EDN3: variants seen among roughly 807,000 people sequenced by gnomAD.
EDN3 encodes endothelin 3.
In EDN3, 9 loss-of-function variants were observed where a neutral mutation model predicts 21.4. The ratio of observed to expected loss-of-function variants is 0.42; its 90% confidence interval spans 0.25 to 0.73. EDN3 has a LOEUF of 0.73. Ranked by LOEUF, EDN3 falls within the 30% of genes least tolerant of loss-of-function variation. The probability of loss-of-function intolerance (pLI) is 0.26; values close to 1 mark genes in which losing one functional copy is unlikely to be tolerated. For synonymous variants in EDN3, 133 were observed against 126.2 expected (o/e 1.05, Z -0.36); for missense variants, 327 against 309.4 (o/e 1.06, Z -0.43).
In EDN3 at chr20:59,324,394, G is replaced by C. The variant is rs772906477; in HGVS notation, c.652G>C (p.Gly218Arg). Residue 218 changes from glycine to arginine, a missense_variant, in exon 5 of 5, where the codon GGC becomes CGC. Gly to Arg is a moderately radical substitution (Grantham distance 125). Transcript: ENST00000337938. ...LDLHHPKLMP[G>R]SGLALAPSTC... ...CCTCCACCATCCAAAGCTCATGCCC[G>C]GCAGTGGACTCGCCCTCGCTCCATC... 6.8e-6 allele frequency: 11 copies of C among 1,613,924 alleles called. No individual in the cohort carries two copies. Among genetic ancestry groups the C allele is most frequent in the Non-Finnish European group, 9.3e-6 (11 of 1,180,020 alleles).
At chr20:59,323,225 T>G (rs1990655256) in intron 4 of EDN3, among the ~76,000 whole-genome samples, 1 of 152,038 alleles carries the variant, frequency 6.6e-6, no homozygotes, top group Non-Finnish European at 1.5e-5. Flanking sequence ...ATAATAAAAA[T>G]GGAGCGGGAG....
At position 59,305,323 on chromosome 20, in the gene EDN3, A is replaced by G. The variant is rs154999; in HGVS notation, c.365+3601A>G. The stretch of plus-strand genomic sequence containing the variant: ...TATTGTCATGGATAAGTTGCCAAGA[A>G]TAAGATAGTAAGGGGACAGGTGGTG... On this transcript the variant is annotated intron_variant, in intron 2 of 4. Coordinates refer to ENST00000337938, the MANE Select transcript of EDN3 (RefSeq NM_207034.3). The surrounding 1 kb of genome is among the most constrained non-coding windows in gnomAD (Gnocchi z 4.2). 0.061 allele frequency among the ~76,000 whole-genome samples: 9,235 copies of G among 152,264 alleles called. 901 individuals carry two copies. The highest frequency in any genetic ancestry group is 0.2 in the African/African-American group (8,496 of 41,536).
intron 4 of EDN3, among the ~76,000 whole-genome samples, chr20:59,323,403 T>G (rs1600762078): frequency 1.3e-5 from 2 of 152,208 alleles, no homozygotes; most frequent in Non-Finnish European, 2.9e-5. Flanking sequence ...CATTGCATCA[T>G]TTATTCATTC....
chr20:59,306,561 T>C (rs1230756350), intron 2 of EDN3, among the ~76,000 whole-genome samples: 1 of 147,344 alleles, frequency 6.8e-6, no homozygotes, highest in East Asian at 2.0e-4. Flanking sequence ...TGCCATTTCT[T>C]TTGAGTTTTT....
intron 2 of EDN3, among the ~76,000 whole-genome samples, chr20:59,318,750 G>A (rs908891612): frequency 2.6e-4 from 40 of 152,362 alleles, no homozygotes; most frequent in Non-Finnish European, 1.5e-5. Flanking sequence ...CAAATACCAT[G>A]TTGCCTTGTT....
At position 59,324,927 on chromosome 20, in the gene EDN3, G is replaced by A. The variant is rs1026264708; in HGVS notation, c.*468G>A. 8.9e-6 allele frequency: 2 copies of A among 225,174 alleles called. No individual in the cohort carries two copies. Among genetic ancestry groups the A allele is most frequent in the Admixed American group, 1.0e-4 (2 of 19,556 alleles). The allele number at this position is 225,174 out of a possible 1,614,324, so 13.9% of individuals were successfully genotyped here. On this transcript the variant is annotated 3_prime_UTR_variant, in exon 5 of 5. Coordinates refer to ENST00000337938, the MANE Select transcript of EDN3 (RefSeq NM_207034.3). ...CATGGTGTATGTCAGTGAGGGCCAC[G>A]AGGCGTCGGCTTTAGACACAGATCA...
At chr20:59,318,647 G>A (rs1990340418) in intron 2 of EDN3, among the ~76,000 whole-genome samples, 1 of 152,236 alleles carries the variant, frequency 6.6e-6, no homozygotes, top group Non-Finnish European at 1.5e-5. Flanking sequence ...GCAGGGGAGG[G>A]GGCCGTGCCT....
intron 4 of EDN3, among the ~76,000 whole-genome samples, chr20:59,323,279 G>A (rs1990658952): frequency 2.0e-5 from 3 of 152,164 alleles, no homozygotes; most frequent in Non-Finnish European, 4.4e-5. Context: ...GAGAGCATGA[G>A]TCAGACCCAG....
In EDN3 at chr20:59,300,711, C is replaced by G; in HGVS notation, c.-102C>G. On this transcript the variant is annotated 5_prime_UTR_variant, in exon 1 of 5. Coordinates refer to ENST00000337938, the MANE Select transcript of EDN3 (RefSeq NM_207034.3). ...GAGCGATCGGCCGGCCTCGAACCCC[C>G]ACAGCTGGAGGGCGAGGCCAGCTGT... The G allele has an allele frequency of 7.8e-7, 1 of 1,280,638 alleles. No homozygotes were observed. Among genetic ancestry groups the G allele is most frequent in the South Asian group, 1.3e-5 (1 of 78,054 alleles). 79.3% of individuals were successfully genotyped at this position (1,280,638 alleles called of 1,614,324 possible). A position where few individuals can be genotyped will look rare whatever the true frequency, so the allele number is the denominator to read the frequency against.
intron 1 of EDN3, among the ~76,000 whole-genome samples, chr20:59,301,067 C>CCG (rs779746331): frequency 1.8e-4 from 27 of 152,222 alleles, no homozygotes; most frequent in Non-Finnish European, 3.8e-4. Context: ...GAGTTGCAGC[C>CCG]CGCGCACTGG....
intron 1 of EDN3, 86 bp downstream of exon 1, chr20:59,300,950 T>G: frequency 6.7e-7 from 1 of 1,496,504 alleles, no homozygotes; most frequent in South Asian, 1.2e-5. Flanking sequence ...GGAGAAGATG[T>G]GCGTCGCGGG....
chr20:59,320,957 G>C, intron 2 of EDN3, 60 bp from the exon 3 acceptor site: 1 of 1,600,586 alleles, frequency 6.2e-7, no homozygotes, highest in Non-Finnish European at 8.6e-7. Context: ...CCACACCCTT[G>C]GGGGCCCCTG....
rs1271987192 is a variant in EDN3 at position 59,301,480 on chromosome 20, A to G, written c.123A>G (p.Arg41=). The G allele has an allele frequency of 6.2e-7, 1 of 1,613,260 alleles. No homozygotes were observed. The highest frequency in any genetic ancestry group is 1.7e-5 in the Admixed American group (1 of 60,006). The change falls in exon 2 of 5, where the codon AGA becomes AGG. Residue 41 remains arginine, a synonymous_variant. Transcript: ENST00000337938. ...RGVSQAPTAA[R]SEGDCEETVA... is the part of the protein sequence containing the mutation. Reference sequence around the variant, plus strand: ...TGTCCCAGGCCCCCACTGCAGCCAGATCTGAGGGGGACTGTGAAGAGACTG... The same window carrying G: ...TGTCCCAGGCCCCCACTGCAGCCAGGTCTGAGGGGGACTGTGAAGAGACTG...
At chr20:59,310,504 A>T (rs774580372) in intron 2 of EDN3, among the ~76,000 whole-genome samples, 1 of 152,182 alleles carries the variant, frequency 6.6e-6, no homozygotes, top group Non-Finnish European at 1.5e-5. Flanking sequence ...GACAGACAGG[A>T]TGAGGCATCA....
rs192459467 is a variant in EDN3 at position 59,305,386 on chromosome 20, G to A, written c.365+3664G>A. Among the ~76,000 whole-genome samples the A allele has an allele frequency of 3.3e-5, 5 of 152,326 alleles. No homozygotes were observed. In the East Asian group the frequency reaches 5.8e-4, roughly 18 times the overall value. ...GTGTGCTGATGTCCTTGTACACTGC[G>A]GCTGTCCTCTATGAGCAGACTGAAG... On this transcript the variant is annotated intron_variant, in intron 2 of 4. Coordinates refer to ENST00000337938, the MANE Select transcript of EDN3 (RefSeq NM_207034.3). This position sits in a 1 kb window ranked among gnomAD's most constrained non-coding sequence, Gnocchi z 4.2.
At chr20:59,302,555 T>G (rs888624294) in intron 2 of EDN3, among the ~76,000 whole-genome samples, 4 of 152,140 alleles carry the variant, frequency 2.6e-5, no homozygotes, top group Non-Finnish European at 5.9e-5. Flanking sequence ...GCACATCATC[T>G]TGCAGGCCAT....
chr20:59,317,299 C>T (rs1990244869), intron 2 of EDN3, among the ~76,000 whole-genome samples: 1 of 152,154 alleles, frequency 6.6e-6, no homozygotes, highest in Non-Finnish European at 1.5e-5. Context: ...GCCTTGGGCT[C>T]CTTATTACCC....
At chr20:59,318,372 G>A (rs887735755) in intron 2 of EDN3, among the ~76,000 whole-genome samples, 3 of 152,216 alleles carry the variant, frequency 2.0e-5, no homozygotes, top group East Asian at 3.8e-4. Context: ...GACCTGCAAG[G>A]CAGCATTTGG....
At chr20:59,310,692 C>G (rs1024626880) in intron 2 of EDN3, among the ~76,000 whole-genome samples, 1 of 152,140 alleles carries the variant, frequency 6.6e-6, no homozygotes, top group Non-Finnish European at 1.5e-5. Context: ...GTCAGGGAGG[C>G]CTGGTCCCTG....
Sources: allele counts gnomAD v4.1 joint callset (sites outside exome capture counted in the v4.1 genomes callset), GRCh38; gene constraint gnomAD v4.1.1; non-coding constraint Gnocchi (gnomAD v3.1); transcripts MANE v1.5; gene names NCBI Gene and HGNC (gene_info 2026-07-23, HGNC 2026-07-21).